The following LRRC4C variants were observed in gnomAD, a reference collection of about 807,000 sequenced individuals.
The protein encoded by LRRC4C is leucine-rich repeat-containing protein 4C.
A neutral mutation model predicts 33.6 loss-of-function variants in LRRC4C; 5 were observed. The ratio of observed to expected loss-of-function variants is 0.15; its 90% CI spans 0.08 to 0.31. LRRC4C has a LOEUF of 0.31. Ranked by LOEUF, LRRC4C falls within the 10% of genes least tolerant of loss-of-function variation. The pLI is 1.00. For missense variants in LRRC4C, 560 were observed against 796.7 expected (o/e 0.70, Z 3.58); for synonymous variants, 329 against 302.0 (o/e 1.09, Z -0.93).
At chr11:41,364,464 C>T (rs538999064) in intron 1 of LRRC4C, among the ~76,000 whole-genome samples, 6 of 152,014 alleles carry the variant, frequency 3.9e-5, no homozygotes, top group Non-Finnish European at 5.9e-5. Context: ...TTTAGTAGGA[C>T]GAGGTTTCAC....
rs34328057 is a variant in LRRC4C, at chr11:41,215,014, G to GTATATATATATATATATA, written c.-496+244399_-496+244416dup. ...TTCTCAATTTCTATTTTTTATTCATGTATATATATATATATATATATATAT... is the reference window on the plus strand; with the variant it reads ...TTCTCAATTTCTATTTTTTATTCATGTATATATATATATATATATATATATATATATATATATATATAT... On this transcript the variant is annotated intron_variant, in intron 1 of 6. Coordinates refer to ENST00000528697, the MANE Select transcript of LRRC4C (RefSeq NM_001258419.2). 3.9e-4 allele frequency among the ~76,000 whole-genome samples: 51 copies of GTATATATATATATATATA among 131,066 alleles called. 1 individual carries two copies. Among genetic ancestry groups the GTATATATATATATATATA allele is most frequent in the African/African-American group, 1.4e-3 (50 of 34,576 alleles). The allele number at this position is 131,066 out of a possible 152,430, so 86.0% of individuals were successfully genotyped here. A position where few individuals can be genotyped will look rare whatever the true frequency, so the allele number is the denominator to read the frequency against.
At chr11:41,392,794 A>G (rs1313353548) in intron 1 of LRRC4C, among the ~76,000 whole-genome samples, 1 of 151,856 alleles carries the variant, frequency 6.6e-6, no homozygotes, top group Non-Finnish European at 1.5e-5. Context: ...AATCCCAAGA[A>G]TTTCTGGGAA....
chr11:41,244,171 C>CTCTATCTATCTA (rs373356899), intron 1 of LRRC4C, among the ~76,000 whole-genome samples: 5 of 146,682 alleles, frequency 3.4e-5, no homozygotes, highest in Non-Finnish European at 7.4e-5. Flanking sequence ...AGAAAGTTTT[C>CTCTATCTATCTA]TCTATCTATC....
intron 3 of LRRC4C, among the ~76,000 whole-genome samples, chr11:40,352,160 TTCCTTC>T (rs1213379922): frequency 3.1e-5 from 4 of 129,104 alleles, no homozygotes; most frequent in Non-Finnish European, 6.7e-5. Flanking sequence ...CCTTCCTTCC[TTCCTTC>T]CCTTTCCTTC....
intron 1 of LRRC4C, among the ~76,000 whole-genome samples, chr11:41,168,644 G>A (rs1944835359): frequency 6.6e-6 from 1 of 152,156 alleles, no homozygotes. Context: ...AATATCAAGT[G>A]TTTGGGAGAT....
At chr11:41,312,144 C>T (rs1451471727) in intron 1 of LRRC4C, among the ~76,000 whole-genome samples, 13 of 152,036 alleles carry the variant, frequency 8.6e-5, no homozygotes, top group Non-Finnish European at 1.5e-5. Context: ...GAGAAAGAAA[C>T]CAGGAATTAG....
chr11:40,696,270 C>G (rs999805072), intron 2 of LRRC4C, among the ~76,000 whole-genome samples: 1 of 100,234 alleles, frequency 1.0e-5, no homozygotes, highest in African/African-American at 6.8e-5. Context: ...ATCTTCCCTA[C>G]CACAATGCCA....
rs189364882 is a variant in LRRC4C at position 40,206,494 on chromosome 11, G to A, written c.-96+35025C>T. Among the ~76,000 whole-genome samples the A allele has an allele frequency of 3.4e-3, 521 of 152,068 alleles. 4 individuals carry two copies. The highest frequency in any genetic ancestry group is 6.8e-3 in the Middle Eastern group (2 of 294). On this transcript the variant is annotated intron_variant, in intron 5 of 6. Transcript: ENST00000528697. ...TGACCTTAAATGATCCACCTGCCTC[G>A]GCCTCCCAAAGTGCTGGGATTACAG...
chr11:41,057,707 A>ATC (rs1397057527), intron 1 of LRRC4C, among the ~76,000 whole-genome samples: 1 of 152,134 alleles, frequency 6.6e-6, no homozygotes, highest in African/African-American at 2.4e-5. Context: ...CTCTGCTGAC[A>ATC]GTTGCAGAGA....
intron 1 of LRRC4C, among the ~76,000 whole-genome samples, chr11:41,386,201 A>ATT (rs1953353424): frequency 6.6e-6 from 1 of 151,682 alleles, no homozygotes; most frequent in Non-Finnish European, 1.5e-5. Context: ...AGGATGGAGC[A>ATT]ATAATGGATG....
intron 1 of LRRC4C, among the ~76,000 whole-genome samples, chr11:41,143,451 A>C (rs1408965951): frequency 6.6e-6 from 1 of 152,138 alleles, no homozygotes; most frequent in Non-Finnish European, 1.5e-5. Context: ...CTACTTTCAA[A>C]TGCAAAGGTT....
intron 1 of LRRC4C, among the ~76,000 whole-genome samples, chr11:41,031,381 C>T (rs993553842): frequency 6.6e-6 from 1 of 151,826 alleles, no homozygotes; most frequent in Non-Finnish European, 1.5e-5. Flanking sequence ...TATATCTTTG[C>T]TAAATAAAAA....
rs1555142891 is a variant in LRRC4C at position 41,306,037 on chromosome 11, A to AAAAG, written c.-496+153390_-496+153393dup. On this transcript the variant is annotated intron_variant, in intron 1 of 6. Transcript: ENST00000528697. Reference sequence around the variant, plus strand: ...TTCTTTCTCTAAAAAAAAAAAAAAAAAAAGAAAGAAAAATACTGCATTAAA... The same window carrying AAAAG: ...TTCTTTCTCTAAAAAAAAAAAAAAAAAAAGAAAGAAAGAAAAATACTGCATTAAA... Among the ~76,000 whole-genome samples, 73 of 144,828 alleles carry AAAAG rather than the reference A, an allele frequency of 5.0e-4. 3 individuals carry two copies. Among genetic ancestry groups the AAAAG allele is most frequent in the Middle Eastern group, 3.6e-3 (1 of 276 alleles).
intron 2 of LRRC4C, among the ~76,000 whole-genome samples, chr11:40,755,144 G>A (rs149722083): frequency 1.4e-3 from 219 of 152,164 alleles, no homozygotes; most frequent in Non-Finnish European, 2.3e-3. Flanking sequence ...TTTAGAATCA[G>A]GGACAATATT....
At chr11:40,641,339 A>G (rs2861926) in intron 3 of LRRC4C, among the ~76,000 whole-genome samples, 1 of 152,152 alleles carries the variant, frequency 6.6e-6, no homozygotes, top group African/African-American at 2.4e-5. Flanking sequence ...ATTCTTATTC[A>G]CCACTGAAAA....
chr11:40,960,933 C>T (rs1263275514), intron 1 of LRRC4C, among the ~76,000 whole-genome samples: 1 of 151,644 alleles, frequency 6.6e-6, no homozygotes, highest in Non-Finnish European at 1.5e-5. Flanking sequence ...TTGCTTATTG[C>T]TTTTTATTTT....
intron 2 of LRRC4C, among the ~76,000 whole-genome samples, chr11:40,823,379 G>T (rs1952024257): frequency 6.6e-6 from 1 of 151,620 alleles, no homozygotes; most frequent in Non-Finnish European, 1.5e-5. Flanking sequence ...GACAAGGAAT[G>T]ATTTCCAAGG....
chr11:40,917,932 G>A (rs1317742538), intron 2 of LRRC4C, among the ~76,000 whole-genome samples: 1 of 152,078 alleles, frequency 6.6e-6, no homozygotes, highest in Non-Finnish European at 1.5e-5. Flanking sequence ...AACAGTGTGG[G>A]TTTGACATCC....
chr11:41,099,896 CTA>C (rs1941057199), intron 1 of LRRC4C, among the ~76,000 whole-genome samples: 1 of 152,112 alleles, frequency 6.6e-6, no homozygotes, highest in Admixed American at 6.5e-5. Flanking sequence ...GGATGTCAAA[CTA>C]TCTCTCTTTG....
Sources: gnomAD v4.1 joint callset for allele counts (sites outside exome capture counted in the v4.1 genomes callset) on GRCh38, gnomAD v4.1.1 for gene constraint, MANE v1.5 for transcripts, NCBI Gene and HGNC (gene_info 2026-07-23, HGNC 2026-07-21) for gene names.